Variants in PPP3R1 observed in about 807,000 individuals in gnomAD.
PPP3R1 encodes the protein calcineurin subunit B type 1.
PPP3R1 carries 5 observed loss-of-function variants against 22.6 expected under a neutral mutation model. The ratio of observed to expected loss-of-function variants is 0.22; its 90% CI spans 0.12 to 0.46. PPP3R1 has a LOEUF of 0.46. Ranked by LOEUF, PPP3R1 falls within the 20% of genes least tolerant of loss-of-function variation. The pLI is 0.99. For missense variants in PPP3R1, 61 were observed against 203.2 expected, an observed-to-expected ratio of 0.30 and a Z score of 4.25; for synonymous variants, 56 against 65.2, an observed-to-expected ratio of 0.86 and a Z score of 0.68.
Position 68,252,253 on chromosome 2 carries a change from C to T in PPP3R1, c.-126G>A, listed in dbSNP as rs2103825889. On this transcript the variant is annotated 5_prime_UTR_variant, in exon 1 of 6. Coordinates refer to ENST00000234310, the MANE Select transcript of PPP3R1 (RefSeq NM_000945.4). ...TCGGGTCGCCGGCGGGGAGGGGGCG[C>T]GCGTGGGGGAGGGGAGGCGGCGCCG... is the stretch of plus-strand genomic sequence containing the variant. 3.8e-6 allele frequency: 4 copies of T among 1,058,070 alleles called. No homozygotes were observed. The highest frequency in any genetic ancestry group is 4.6e-6 in the Non-Finnish European group (4 of 879,030). The allele number at this position is 1,058,070 out of a possible 1,614,324, so 65.5% of individuals were successfully genotyped here.
At chr2:68,215,248 A>T (rs1019684014) in intron 2 of PPP3R1, among the ~76,000 whole-genome samples, 9 of 152,172 alleles carry the variant, frequency 5.9e-5, no homozygotes, top group Non-Finnish European at 1.0e-4. Context: ...GTTTATCCAT[A>T]TAACAAACCT....
At chr2:68,196,082 A>T (rs1294759281) in intron 2 of PPP3R1, among the ~76,000 whole-genome samples, 1 of 152,128 alleles carries the variant, frequency 6.6e-6, no homozygotes, top group Non-Finnish European at 1.5e-5. Context: ...TCTATCTTAG[A>T]GGTGTTTTGG....
rs1017320176 is a variant in PPP3R1 at position 68,194,999 on chromosome 2, T to A, written c.44-6309A>T. ...ATGTAATGTGGGATCCAGGAGAGAATCCTGGAAAAGAAAAAGAACACTCTC... is the reference window on the plus strand; with the variant it reads ...ATGTAATGTGGGATCCAGGAGAGAAACCTGGAAAAGAAAAAGAACACTCTC... On this transcript the variant is annotated intron_variant, in intron 2 of 5. Coordinates refer to ENST00000234310, the MANE Select transcript of PPP3R1 (RefSeq NM_000945.4). Among the ~76,000 whole-genome samples the A allele has an allele frequency of 9.9e-5, 15 of 152,238 alleles. No individual in the cohort carries two copies. The East Asian group carries it at 2.9e-3, about 29-fold the overall frequency.
intron 2 of PPP3R1, among the ~76,000 whole-genome samples, chr2:68,196,278 G>C: frequency 6.6e-6 from 1 of 152,042 alleles, no homozygotes; most frequent in East Asian, 1.9e-4. Context: ...AAGGTAAATG[G>C]CTGTATTTTC....
chr2:68,217,039 C>T (rs11126181), intron 2 of PPP3R1, 53 bp downstream of exon 2: 1 of 1,084,902 alleles, frequency 9.2e-7, no homozygotes, highest in Non-Finnish European at 1.3e-6. Flanking sequence ...CACACACACA[C>T]AGAGAGAGAT....
chr2:68,187,109 G>C lies in PPP3R1; in HGVS notation c.280+146C>G. ...TATAGTAGTTGGAAATGTCCTAAAA[G>C]GATTTTCACCAGAATGTAAAATTTC... On this transcript the variant is annotated intron_variant, in intron 4 of 5. Transcript: ENST00000234310. 3 of 628,672 alleles carry C rather than the reference G, an allele frequency of 4.8e-6. No homozygotes were observed. The South Asian group carries it at 9.3e-5, about 20-fold the overall frequency. 38.9% of individuals were successfully genotyped at this position (628,672 alleles called of 1,614,324 possible). A position where few individuals can be genotyped will look rare whatever the true frequency, so the allele number is the denominator to read the frequency against.
intron 1 of PPP3R1, among the ~76,000 whole-genome samples, chr2:68,242,411 G>A (rs570560381): frequency 2.5e-4 from 37 of 150,634 alleles, no homozygotes; most frequent in African/African-American, 9.0e-4. Flanking sequence ...GGACAACAGA[G>A]CAAGACTCCG....
intron 1 of PPP3R1, among the ~76,000 whole-genome samples, chr2:68,239,480 G>C (rs1670077656): frequency 6.6e-6 from 1 of 152,140 alleles, no homozygotes; most frequent in Non-Finnish European, 1.5e-5. Context: ...AAAAAACAGA[G>C]AATAATGAAG....
rs71395958 is a variant in PPP3R1 at position 68,202,792 on chromosome 2, A to ATTTTTTTTT, written c.44-14111_44-14103dup. On this transcript the variant is annotated intron_variant, in intron 2 of 5. Coordinates refer to ENST00000234310, the MANE Select transcript of PPP3R1 (RefSeq NM_000945.4). Reference sequence around the variant, plus strand: ...TAATATATACTAGAGAGTTCAGGGAATTTTTTTTTTTTTTTTTTTTTTTTT... The same window carrying ATTTTTTTTT: ...TAATATATACTAGAGAGTTCAGGGAATTTTTTTTTTTTTTTTTTTTTTTTTTTTTTTTTT... 3.4e-3 allele frequency among the ~76,000 whole-genome samples: 275 copies of ATTTTTTTTT among 81,212 alleles called. 49 individuals carry two copies. Among genetic ancestry groups the ATTTTTTTTT allele is most frequent in the African/African-American group, 0.016 (253 of 16,168 alleles). 53.3% of individuals were successfully genotyped at this position (81,212 alleles called of 152,430 possible). A position where few individuals can be genotyped will look rare whatever the true frequency, so the allele number is the denominator to read the frequency against.
intron 5 of PPP3R1, among the ~76,000 whole-genome samples, chr2:68,186,235 G>T (rs1249009625): frequency 1.3e-5 from 2 of 152,174 alleles, no homozygotes; most frequent in Admixed American, 6.5e-5. Flanking sequence ...TGAACCTTAA[G>T]AGTATAACCT....
At chr2:68,224,319 C>A (rs571315618) in intron 1 of PPP3R1, among the ~76,000 whole-genome samples, 2 of 152,088 alleles carry the variant, frequency 1.3e-5, no homozygotes, top group Non-Finnish European at 2.9e-5. Context: ...GCCAAGGGAT[C>A]TGAATGAAAA....
Position 68,180,911 on chromosome 2 carries a change from T to C in PPP3R1, c.*52A>G. ...CATTGCTGGACGTCTTGAGCAGATC[T>C]TCAGAGATGGAGAAGAAAGCAAAAG... On this transcript the variant is annotated 3_prime_UTR_variant, in exon 6 of 6. Transcript: ENST00000234310. 6.5e-7 allele frequency: 1 copy of C among 1,532,978 alleles called. No individual in the cohort carries two copies. Among genetic ancestry groups the C allele is most frequent in the Non-Finnish European group, 9.0e-7 (1 of 1,107,862 alleles). 95.0% of individuals were successfully genotyped at this position (1,532,978 alleles called of 1,614,324 possible). A position where few individuals can be genotyped will look rare whatever the true frequency, so the allele number is the denominator to read the frequency against.
intron 1 of PPP3R1, among the ~76,000 whole-genome samples, chr2:68,226,990 A>G (rs768854804): frequency 1.4e-4 from 21 of 152,132 alleles, no homozygotes; most frequent in Admixed American, 9.2e-4. Flanking sequence ...TATAGTTCAC[A>G]AAGAGTCTAT....
At chr2:68,210,688 A>T (rs1275828216) in intron 2 of PPP3R1, among the ~76,000 whole-genome samples, 1 of 152,176 alleles carries the variant, frequency 6.6e-6, no homozygotes, top group Non-Finnish European at 1.5e-5. Context: ...AATTGTTAGG[A>T]GGCTAAAAAA....
intron 3 of PPP3R1, 59 bp downstream of exon 3, chr2:68,188,455 C>T: frequency 7.7e-7 from 1 of 1,291,014 alleles, no homozygotes; most frequent in Non-Finnish European, 1.1e-6. Context: ...TTACACAGAG[C>T]TGTAAGAATA....
chr2:68,244,088 T>A (rs1205635400), intron 1 of PPP3R1, among the ~76,000 whole-genome samples: 1 of 152,076 alleles, frequency 6.6e-6, no homozygotes. Flanking sequence ...GGAAAAAAAA[T>A]TAACATACGG....
rs1291505766 is a variant in PPP3R1 at position 68,198,245 on chromosome 2, G to GTA, written c.44-9557_44-9556dup. On this transcript the variant is annotated intron_variant, in intron 2 of 5. Coordinates refer to ENST00000234310, the MANE Select transcript of PPP3R1 (RefSeq NM_000945.4). ...ATTTTACATATATGTATACACATAT[G>GTA]TACATACATATGTATACATACATAT... 3.1e-4 allele frequency among the ~76,000 whole-genome samples: 43 copies of GTA among 137,726 alleles called. No individual in the cohort carries two copies. The Middle Eastern group carries it at 0.014, about 44-fold the overall frequency. The allele number at this position is 137,726 out of a possible 152,430, so 90.4% of individuals were successfully genotyped here.
intron 2 of PPP3R1, among the ~76,000 whole-genome samples, chr2:68,204,337 T>TATATATATATATTCTG (rs1553405709): frequency 8.4e-3 from 334 of 39,604 alleles, no homozygotes; most frequent in African/African-American, 0.047. Context: ...ACACACACAC[T>TATATATATATATTCTG]ATATATATAT....
intron 2 of PPP3R1, among the ~76,000 whole-genome samples, chr2:68,192,936 T>C (rs1674696340): frequency 1.3e-5 from 2 of 152,178 alleles, no homozygotes; most frequent in South Asian, 4.1e-4. Context: ...CCTGCTGGAA[T>C]GGCCTTGCCT....
Sources: gnomAD v4.1 joint callset for allele counts (sites outside exome capture counted in the v4.1 genomes callset) on GRCh38, gnomAD v4.1.1 for gene constraint, MANE v1.5 for transcripts, NCBI Gene and HGNC (gene_info 2026-07-23, HGNC 2026-07-21) for gene names.